DPF3: variants seen among roughly 807,000 people sequenced by gnomAD.
The protein encoded by DPF3 is double PHD fingers 3.
Under a neutral mutation model 56.8 loss-of-function variants are expected in DPF3, and 18 were observed. The observed-to-expected ratio is 0.32, with a 90% CI of 0.22 to 0.47. DPF3 has a LOEUF of 0.47. DPF3 is among the 20% of genes least tolerant of loss of function. The pLI, the probability that DPF3 is intolerant of heterozygous loss-of-function variation, is 1.00. For synonymous variants in DPF3, 188 were observed against 180.2 expected (o/e 1.04, Z -0.35); for missense variants, 403 against 488.8 (o/e 0.82, Z 1.65).
chr14:72,619,310 C>A lies in DPF3; in HGVS notation c.1124G>T (p.Gly375Val). The change falls in exon 11 of 11, where the codon GGC becomes GTC. Residue 375 changes from glycine to valine, a missense_variant. Gly to Val is a moderately radical substitution (Grantham distance 109). Transcript: ENST00000556509. Reference sequence around the variant, plus strand: ...TGACCTGGGGCCCTAGGCCTGGCAGCCAAAGGCTGAGGCTTTCTCTTTGAG... The same window carrying A: ...TGACCTGGGGCCCTAGGCCTGGCAGACAAAGGCTGAGGCTTTCTCTTTGAG... ...ELLKEKASAF[G>V]CQA The A allele has an allele frequency of 1.3e-6, 2 of 1,536,084 alleles. No homozygotes were observed. The highest frequency in any genetic ancestry group is 1.7e-6 in the Non-Finnish European group (2 of 1,146,878).
chr14:72,856,568 TG>T (rs1885176602), intron 1 of DPF3, among the ~76,000 whole-genome samples: 1 of 152,190 alleles, frequency 6.6e-6, no homozygotes, highest in African/African-American at 2.4e-5. Context: ...AAGGACCCGC[TG>T]GAGCATGGAT....
intron 9 of DPF3, among the ~76,000 whole-genome samples, chr14:72,620,332 G>GA (rs1214100741): frequency 6.6e-6 from 1 of 152,188 alleles, no homozygotes; most frequent in African/African-American, 2.4e-5. Flanking sequence ...CCAAAGGGCA[G>GA]AAAATGTCTC....
intron 8 of DPF3, chr14:72,671,000 A>G (rs910880405): frequency 2.5e-5 from 36 of 1,439,074 alleles, no homozygotes; most frequent in Middle Eastern, 5.1e-4. Flanking sequence ...GACACGTGGG[A>G]GGTGAAGGGA....
At chr14:72,692,592 G>A (rs1887736304) in intron 7 of DPF3, among the ~76,000 whole-genome samples, 1 of 152,170 alleles carries the variant, frequency 6.6e-6, no homozygotes, top group Non-Finnish European at 1.5e-5. Context: ...TAAGGCAGGA[G>A]AGCCCTGTAC....
intron 1 of DPF3, among the ~76,000 whole-genome samples, chr14:72,776,155 C>T (rs1891736362): frequency 6.6e-6 from 1 of 152,158 alleles, no homozygotes; most frequent in African/African-American, 2.4e-5. Context: ...CAGCCATCAC[C>T]TGCATGCACC....
chr14:72,870,204 T>G (rs79681352), intron 1 of DPF3, among the ~76,000 whole-genome samples: 6,835 of 152,154 alleles, frequency 0.045, 238 homozygotes, highest in Non-Finnish European at 0.074. Context: ...CACAAGAAGG[T>G]CACAGATGAG....
intron 1 of DPF3, among the ~76,000 whole-genome samples, chr14:72,789,318 C>T (rs552278371): frequency 3.9e-4 from 59 of 152,234 alleles, no homozygotes; most frequent in African/African-American, 1.4e-3. Context: ...AGCTGAGGAC[C>T]TGGGAGCTCA....
In DPF3 at chr14:72,671,358, T is replaced by C. The variant is rs1167494525; in HGVS notation, c.871+2882A>G. 2.5e-6 allele frequency: 4 copies of C among 1,612,590 alleles called. 1 individual carries two copies. The highest frequency in any genetic ancestry group is 3.4e-6 in the Non-Finnish European group (4 of 1,178,754). On this transcript the variant is annotated intron_variant, in intron 8 of 10. Coordinates refer to ENST00000556509, the MANE Select transcript of DPF3 (RefSeq NM_001280542.3). ...AATGAGCTGACATGTATGATGAATATATCAGCACATGGGTTAAGCAACAGA... is the reference window on the plus strand; with the variant it reads ...AATGAGCTGACATGTATGATGAATACATCAGCACATGGGTTAAGCAACAGA...
intron 8 of DPF3, among the ~76,000 whole-genome samples, chr14:72,645,404 A>G (rs1885692976): frequency 6.6e-6 from 1 of 151,804 alleles, no homozygotes; most frequent in African/African-American, 2.4e-5. Context: ...GGCTCAAGCA[A>G]TCCTTCCTCC....
At chr14:72,684,878 G>C (rs570109054) in intron 7 of DPF3, among the ~76,000 whole-genome samples, 1 of 152,088 alleles carries the variant, frequency 6.6e-6, no homozygotes, top group Non-Finnish European at 1.5e-5. Flanking sequence ...TGAGGGTGGG[G>C]TCCTCGTAAT....
chr14:72,769,084 G>A (rs1412866320), intron 2 of DPF3, among the ~76,000 whole-genome samples: 2 of 151,838 alleles, frequency 1.3e-5, no homozygotes, highest in African/African-American at 4.8e-5. Context: ...AATCTAAATT[G>A]AATGGGATGT....
chr14:72,693,315 G>C, intron 6 of DPF3, 102 bp from the exon 7 acceptor site: 16 of 1,353,592 alleles, frequency 1.2e-5, no homozygotes, highest in Non-Finnish European at 1.6e-5. Flanking sequence ...ATCCACCCCA[G>C]AGCCAGGCTT....
At chr14:72,808,650 G>A (rs1477264938) in intron 1 of DPF3, among the ~76,000 whole-genome samples, 1 of 152,192 alleles carries the variant, frequency 6.6e-6, no homozygotes. Context: ...TGGAAATCCA[G>A]GCCAACATTT....
At chr14:72,707,636 G>A (rs9646164) in intron 6 of DPF3, among the ~76,000 whole-genome samples, 14 of 151,880 alleles carry the variant, frequency 9.2e-5, no homozygotes, top group African/African-American at 3.4e-4. Context: ...GCAGCGGGGC[G>A]TTAAAATGGT....
chr14:72,810,211 T>C (rs886977550), intron 1 of DPF3, among the ~76,000 whole-genome samples: 1 of 152,056 alleles, frequency 6.6e-6, no homozygotes, highest in Admixed American at 6.6e-5. Flanking sequence ...TCCCACAACA[T>C]CCCAGTGCTG....
At chr14:72,686,152 C>T (rs1319771588) in intron 7 of DPF3, among the ~76,000 whole-genome samples, 1 of 152,216 alleles carries the variant, frequency 6.6e-6, no homozygotes, top group African/African-American at 2.4e-5. Context: ...CAAGGATATG[C>T]CAGGGCCAGG....
At chr14:72,775,597 T>C (rs1891713804) in intron 1 of DPF3, among the ~76,000 whole-genome samples, 1 of 152,218 alleles carries the variant, frequency 6.6e-6, no homozygotes, top group Admixed American at 6.5e-5. Flanking sequence ...TATTTCTAAA[T>C]ATAATCTTTG....
chr14:72,628,663 A>G (rs1407268552), intron 9 of DPF3, among the ~76,000 whole-genome samples: 1 of 152,072 alleles, frequency 6.6e-6, no homozygotes, highest in Non-Finnish European at 1.5e-5. Flanking sequence ...AGAGATGGAG[A>G]CAGAGTTGGT....
At chr14:72,844,521 G>C (rs1660275310) in intron 1 of DPF3, among the ~76,000 whole-genome samples, 6 of 152,136 alleles carry the variant, frequency 3.9e-5, no homozygotes, top group South Asian at 4.1e-4. Context: ...AAGAAGCCCA[G>C]GTGTTCAGGT....
Sources: gnomAD v4.1 joint callset for allele counts (sites outside exome capture counted in the v4.1 genomes callset) on GRCh38, gnomAD v4.1.1 for gene constraint, MANE v1.5 for transcripts, NCBI Gene and HGNC (gene_info 2026-07-23, HGNC 2026-07-21) for gene names.